Variants in NME7 observed in about 807,000 individuals in gnomAD.
NME7 encodes the protein NME/NM23 family member 7.
In NME7, 41 loss-of-function variants were observed where a neutral mutation model predicts 49.1. The observed-to-expected ratio is 0.83, with a 90% confidence interval of 0.65 to 1.08. The LOEUF (loss-of-function observed/expected upper bound fraction) is 1.08, where lower values mean the gene tolerates loss of function less well. Among genes scored for constraint, NME7 ranks in the 50% least tolerant of loss-of-function variants. The pLI is 0.00. For synonymous variants in NME7, 139 were observed against 150.6 expected, an observed-to-expected ratio of 0.92 and a Z score of 0.56; for missense variants, 423 against 463.4, an observed-to-expected ratio of 0.91 and a Z score of 0.80.
At chr1:169,247,710 C>T (rs1648383982) in intron 7 of NME7, among the ~76,000 whole-genome samples, 1 of 152,090 alleles carries the variant, frequency 6.6e-6, no homozygotes, top group African/African-American at 2.4e-5. Context: ...TATCTTGGTT[C>T]CCACTTATAA....
At chr1:169,287,479 G>C in intron 6 of NME7, 71 bp from the exon 7 acceptor site, 5 of 1,076,458 alleles carry the variant, frequency 4.6e-6, no homozygotes, top group Non-Finnish European at 6.5e-6. Context: ...TTTCTGTGGG[G>C]GAGGAGAATC....
chr1:169,332,301 C>A (rs1652287525), intron 1 of NME7, among the ~76,000 whole-genome samples: 1 of 152,002 alleles, frequency 6.6e-6, no homozygotes, highest in African/African-American at 2.4e-5. Flanking sequence ...CTATCTCCAG[C>A]CATATACAAA....
intron 11 of NME7, among the ~76,000 whole-genome samples, chr1:169,139,288 G>A (rs1045317206): frequency 6.6e-6 from 1 of 152,128 alleles, no homozygotes; most frequent in Non-Finnish European, 1.5e-5. Flanking sequence ...ACAGATTATT[G>A]TGTGTAATCC....
chr1:169,317,112 A>T (rs1317586943), intron 3 of NME7, among the ~76,000 whole-genome samples: 1 of 152,200 alleles, frequency 6.6e-6, no homozygotes, highest in Non-Finnish European at 1.5e-5. Context: ...TAACCATTCC[A>T]GATTAAATTG....
At chr1:169,211,646 A>AGGTTTAACC in intron 10 of NME7, among the ~76,000 whole-genome samples, 2 of 152,280 alleles carry the variant, frequency 1.3e-5, no homozygotes, top group Admixed American at 1.3e-4. Flanking sequence ...AATATGATAT[A>AGGTTTAACC]ATGGTTAAAG....
intron 1 of NME7, among the ~76,000 whole-genome samples, chr1:169,364,990 C>T (rs1007825462): frequency 1.3e-5 from 2 of 152,158 alleles, no homozygotes; most frequent in Non-Finnish European, 2.9e-5. Context: ...TCACCAATTG[C>T]TCCTTTAGAT....
chr1:169,278,444 C>G (rs961187650), intron 7 of NME7, among the ~76,000 whole-genome samples: 3 of 152,170 alleles, frequency 2.0e-5, no homozygotes, highest in Non-Finnish European at 4.4e-5. Context: ...ATTTCATCTT[C>G]CATCACTGAA....
intron 1 of NME7, among the ~76,000 whole-genome samples, chr1:169,342,655 CATAT>C (rs1200079744): frequency 5.1e-5 from 2 of 38,856 alleles, no homozygotes; most frequent in African/African-American, 2.2e-4. Context: ...TATACAAGTA[CATAT>C]ATATATAGTA....
intron 6 of NME7, among the ~76,000 whole-genome samples, chr1:169,293,820 C>T (rs1428527555): frequency 2.0e-5 from 3 of 152,078 alleles, no homozygotes; most frequent in Non-Finnish European, 4.4e-5. Context: ...ATAAACATGG[C>T]ATATATCTTC....
At chr1:169,163,767 T>G (rs1659316056) in intron 11 of NME7, among the ~76,000 whole-genome samples, 2 of 152,048 alleles carry the variant, frequency 1.3e-5, no homozygotes, top group African/African-American at 2.4e-5. Flanking sequence ...CATAAAAAAT[T>G]TATTGTACTG....
intron 7 of NME7, among the ~76,000 whole-genome samples, chr1:169,261,171 G>A (rs1649148695): frequency 7.5e-6 from 1 of 133,844 alleles, no homozygotes; most frequent in African/African-American, 2.5e-5. Context: ...AAACTGAAAA[G>A]GTATAAAGAA....
intron 10 of NME7, among the ~76,000 whole-genome samples, chr1:169,177,751 T>C (rs1206996503): frequency 6.6e-6 from 1 of 152,124 alleles, no homozygotes; most frequent in Non-Finnish European, 1.5e-5. Context: ...CATCAACCCC[T>C]TCCAACTTTT....
intron 10 of NME7, among the ~76,000 whole-genome samples, chr1:169,206,329 T>G (rs1660674833): frequency 6.6e-6 from 1 of 151,906 alleles, no homozygotes; most frequent in Non-Finnish European, 1.5e-5. Context: ...TTCAAATATC[T>G]ATATGGAAGT....
intron 3 of NME7, among the ~76,000 whole-genome samples, chr1:169,316,106 A>C (rs886707828): frequency 2.6e-5 from 4 of 152,094 alleles, no homozygotes; most frequent in Non-Finnish European, 4.4e-5. Flanking sequence ...ATATTCTAAA[A>C]GGACAGGTTG....
chr1:169,224,573 A>G (rs370769915), intron 10 of NME7, among the ~76,000 whole-genome samples: 180 of 152,306 alleles, frequency 1.2e-3, no homozygotes, highest in South Asian at 4.8e-3. Flanking sequence ...AATATTTTAC[A>G]TATCATGTCA....
chr1:169,311,514 T>A (rs764473424), intron 3 of NME7, among the ~76,000 whole-genome samples: 1 of 152,040 alleles, frequency 6.6e-6, no homozygotes, highest in Non-Finnish European at 1.5e-5. Flanking sequence ...AAATTGTTCA[T>A]CTTAGTGTGT....
At chr1:169,284,914 G>A (rs1191252895) in intron 7 of NME7, 1 of 152,022 alleles carries the variant, frequency 6.6e-6, no homozygotes, top group Non-Finnish European at 1.5e-5. Flanking sequence ...TCCTTGAAAA[G>A]GATTAGATCA....
At chr1:169,224,960 C>G (rs980033807) in intron 10 of NME7, among the ~76,000 whole-genome samples, 1 of 151,988 alleles carries the variant, frequency 6.6e-6, no homozygotes, top group African/African-American at 2.4e-5. Flanking sequence ...GTGGTGGGAC[C>G]AATATTTAAT....
Position 169,275,648 on chromosome 1 carries a change from T to C in NME7, c.754+11655A>G, listed in dbSNP as rs1383528199. The stretch of plus-strand genomic sequence containing the variant: ...ACCTGCAAACAGGTACAATTTGACT[T>C]CCTCTTTCCCTAATTGAATACCCTT... On this transcript the variant is annotated intron_variant, in intron 7 of 11. Coordinates refer to ENST00000367811, the MANE Select transcript of NME7 (RefSeq NM_013330.5). 2.3e-5 allele frequency among the ~76,000 whole-genome samples: 3 copies of C among 130,996 alleles called. 1 individual carries two copies. The highest frequency in any genetic ancestry group is 7.8e-5 in the African/African-American group (3 of 38,440). The allele number at this position is 130,996 out of a possible 152,430, so 85.9% of individuals were successfully genotyped here. A position where few individuals can be genotyped will look rare whatever the true frequency, so the allele number is the denominator to read the frequency against.
Sources: gnomAD v4.1 joint callset for allele counts (sites outside exome capture counted in the v4.1 genomes callset) on GRCh38, gnomAD v4.1.1 for gene constraint, MANE v1.5 for transcripts, NCBI Gene and HGNC (gene_info 2026-07-23, HGNC 2026-07-21) for gene names.